Variants in CPVL observed in about 807,000 individuals in gnomAD.
The protein encoded by CPVL is carboxypeptidase vitellogenic like.
A neutral mutation model predicts 63.7 loss-of-function variants in CPVL; 51 were observed. The ratio of observed to expected loss-of-function variants is 0.80; its 90% CI spans 0.64 to 1.01. CPVL has a LOEUF of 1.01. CPVL is among the 50% of genes least tolerant of loss of function. CPVL has a pLI of 0.00. For missense variants in CPVL, 530 were observed against 573.1 expected, an observed-to-expected ratio of 0.92 and a Z score of 0.77; for synonymous variants, 195 against 206.0, an observed-to-expected ratio of 0.95 and a Z score of 0.46.
At chr7:29,172,897 G>A (rs552298174) in intron 5 of CPVL, among the ~76,000 whole-genome samples, 11 of 152,156 alleles carry the variant, frequency 7.2e-5, no homozygotes, top group African/African-American at 1.9e-4. Context: ...TTGGGAGGCC[G>A]AGGTGGGTGG....
intron 5 of CPVL, among the ~76,000 whole-genome samples, chr7:29,172,433 C>A (rs1276665656): frequency 6.6e-6 from 1 of 152,134 alleles, no homozygotes; most frequent in Admixed American, 6.5e-5. Flanking sequence ...ATCTCTGTCT[C>A]ATCTATCATC....
chr7:29,044,680 C>T (rs1404615443), intron 11 of CPVL, among the ~76,000 whole-genome samples: 2 of 152,144 alleles, frequency 1.3e-5, no homozygotes, highest in African/African-American at 4.8e-5. Flanking sequence ...ACAGATACTA[C>T]TAATTGTATC....
chr7:29,147,925 A>C (rs901218788), upstream of CPVL, among the ~76,000 whole-genome samples: 5 of 152,236 alleles, frequency 3.3e-5, no homozygotes, highest in African/African-American at 1.2e-4. Flanking sequence ...ATCTGCACTT[A>C]AATATGATGG....
chr7:29,146,296 T>C (rs753834181), intron 1 of CPVL, 133 bp downstream of exon 1: 18 of 366,292 alleles, frequency 4.9e-5, no homozygotes, highest in Non-Finnish European at 7.4e-5. Context: ...AGTCTCACTC[T>C]ACGGTGCTTT....
intron 1 of CPVL, among the ~76,000 whole-genome samples, chr7:29,123,656 T>TATAC (rs1356703368): frequency 9.4e-6 from 1 of 106,242 alleles, no homozygotes; most frequent in African/African-American, 3.7e-5. Flanking sequence ...TATATATATA[T>TATAC]GCAATATTAA....
At chr7:29,147,189 G>A (rs1792856168), upstream of CPVL, 6 of 575,912 alleles carry the variant, frequency 1.0e-5, no homozygotes, top group South Asian at 2.3e-5. Flanking sequence ...CAGTACGGGA[G>A]CAAGAACTAA....
intron 11 of CPVL, among the ~76,000 whole-genome samples, chr7:29,039,842 A>G (rs571483354): frequency 4.7e-4 from 72 of 152,196 alleles, no homozygotes; most frequent in Non-Finnish European, 9.3e-4. Context: ...TTGTTGTTGC[A>G]TTTTTAGACG....
chr7:29,072,681 T>C (rs1380285432), intron 7 of CPVL, among the ~76,000 whole-genome samples: 1 of 152,208 alleles, frequency 6.6e-6, no homozygotes, highest in Non-Finnish European at 1.5e-5. Context: ...TAAGTGAACA[T>C]TCTAATTTCC....
intron 2 of CPVL, among the ~76,000 whole-genome samples, chr7:29,118,385 G>A (rs1008771513): frequency 6.6e-6 from 1 of 152,212 alleles, no homozygotes; most frequent in African/African-American, 2.4e-5. Flanking sequence ...TGAAATACGT[G>A]CATGTAATCC....
chr7:29,096,995 AAAAAAAAAAAAAAAG>A (rs1786494561), intron 3 of CPVL, among the ~76,000 whole-genome samples: 1 of 151,288 alleles, frequency 6.6e-6, no homozygotes, highest in Admixed American at 6.6e-5. Flanking sequence ...AAAAAAAAAA[AAAAAAAAAAAAAAAG>A]AATGTGTCCA....
intron 12 of CPVL, among the ~76,000 whole-genome samples, chr7:29,023,847 T>C (rs1787244280): frequency 6.6e-6 from 1 of 152,140 alleles, no homozygotes; most frequent in African/African-American, 2.4e-5. Flanking sequence ...GAAAACATCT[T>C]TCCTACAAAA....
chr7:29,076,648 GCTCT>G (rs1784278471), intron 7 of CPVL, among the ~76,000 whole-genome samples: 1 of 152,148 alleles, frequency 6.6e-6, no homozygotes, highest in African/African-American at 2.4e-5. Flanking sequence ...TTCCAGCACT[GCTCT>G]TACTTGGTTA....
intron 7 of CPVL, among the ~76,000 whole-genome samples, chr7:29,077,298 T>C (rs1014896494): frequency 1.4e-5 from 2 of 138,950 alleles, no homozygotes; most frequent in African/African-American, 6.3e-5. Flanking sequence ...TGAAGTTTAG[T>C]AGAAAAAAAA....
At chr7:29,188,727 CTT>C (rs1799017645) in intron 1 of CPVL, among the ~76,000 whole-genome samples, 1 of 152,042 alleles carries the variant, frequency 6.6e-6, no homozygotes, top group Admixed American at 6.6e-5. Context: ...TAGAAATAGT[CTT>C]TGAGGCTTGA....
intron 5 of CPVL, among the ~76,000 whole-genome samples, chr7:29,160,544 A>C (rs1482142063): frequency 6.6e-6 from 1 of 152,182 alleles, no homozygotes; most frequent in African/African-American, 2.4e-5. Flanking sequence ...TCAGTGAAAT[A>C]TAATGAGAAT....
At chr7:29,027,340 C>G (rs549653147) in intron 12 of CPVL, among the ~76,000 whole-genome samples, 2 of 151,996 alleles carry the variant, frequency 1.3e-5, no homozygotes, top group East Asian at 3.9e-4. Context: ...CATACCATAA[C>G]GTAATAAAGG....
intron 7 of CPVL, among the ~76,000 whole-genome samples, chr7:29,077,906 G>T (rs1784377600): frequency 6.6e-6 from 1 of 152,136 alleles, no homozygotes; most frequent in African/African-American, 2.4e-5. Context: ...GACCTACCTT[G>T]GCTTCATCTA....
intron 5 of CPVL, among the ~76,000 whole-genome samples, chr7:29,176,203 T>C (rs906125200): frequency 1.4e-5 from 2 of 147,254 alleles, no homozygotes; most frequent in African/African-American, 5.0e-5. Context: ...AAAAAACAGA[T>C]AAAAGAAAAA....
chr7:29,115,444 A>T (rs1013755711), intron 2 of CPVL, among the ~76,000 whole-genome samples: 4 of 152,092 alleles, frequency 2.6e-5, no homozygotes, highest in African/African-American at 9.7e-5. Flanking sequence ...TGTTTGGGGA[A>T]AGTGGTTTTT....
Sources: allele counts gnomAD v4.1 joint callset (sites outside exome capture counted in the v4.1 genomes callset), GRCh38; gene constraint gnomAD v4.1.1; transcripts MANE v1.5; gene names NCBI Gene and HGNC (gene_info 2026-07-23, HGNC 2026-07-21).